ANXA8: variants seen among roughly 807,000 people sequenced by gnomAD.
ANXA8 encodes the protein VAC-beta.
A neutral mutation model predicts 26.8 loss-of-function variants in ANXA8; 9 were observed. The observed-to-expected ratio is 0.34, with a 90% confidence interval of 0.20 to 0.59. The LOEUF (loss-of-function observed/expected upper bound fraction) is 0.59, where lower values mean the gene tolerates loss of function less well. ANXA8 is among the 20% of genes least tolerant of loss of function. The pLI is 0.84. For missense variants in ANXA8, 83 were observed against 238.5 expected, an observed-to-expected ratio of 0.35 and a Z score of 4.29; for synonymous variants, 39 against 94.8, an observed-to-expected ratio of 0.41 and a Z score of 3.42.
the ANXA8 span, among the ~76,000 whole-genome samples, chr10:47,514,363 G>A: frequency 1.2e-4 from 18 of 148,376 alleles, no homozygotes; most frequent in South Asian, 1.7e-3. Context: ...AAATAACTCA[G>A]CATGGAAAAC....
the ANXA8 span, among the ~76,000 whole-genome samples, chr10:47,660,413 T>G: frequency 5.9e-5 from 9 of 151,678 alleles, no homozygotes; most frequent in Non-Finnish European, 8.8e-5. Context: ...CTTTTTTTTT[T>G]TTAAATTGAG....
upstream of ANXA8, among the ~76,000 whole-genome samples, chr10:47,488,828 C>T (rs1272076472): frequency 4.9e-4 from 69 of 140,044 alleles, no homozygotes; most frequent in Middle Eastern, 3.9e-3. Context: ...TCCAGGTTCA[C>T]GCCATTCTCC....
the ANXA8 span, among the ~76,000 whole-genome samples, chr10:47,585,783 T>TTA: frequency 2.1e-5 from 1 of 47,128 alleles, no homozygotes; most frequent in African/African-American, 1.1e-4. Flanking sequence ...AATTTTTTTG[T>TTA]AAAAAAAAAA....
the ANXA8 span, among the ~76,000 whole-genome samples, chr10:47,720,906 G>A: frequency 7.1e-6 from 1 of 140,224 alleles, no homozygotes; most frequent in Non-Finnish European, 1.6e-5. Flanking sequence ...CAGCACTTTG[G>A]GAGGCCGTGG....
At chr10:47,490,656 T>C in the ANXA8 span, among the ~76,000 whole-genome samples, 1 of 141,926 alleles carries the variant, frequency 7.0e-6, no homozygotes, top group East Asian at 2.1e-4. Flanking sequence ...TGAGCTTTTC[T>C]CCCAACAGGA....
the ANXA8 span, among the ~76,000 whole-genome samples, chr10:47,946,093 T>C: frequency 6.7e-6 from 1 of 148,592 alleles, no homozygotes; most frequent in Non-Finnish European, 1.5e-5. Flanking sequence ...TTTGAGTTTG[T>C]AGAATGCCTA....
chr10:47,656,443 G>A, the ANXA8 span, among the ~76,000 whole-genome samples: 1 of 146,832 alleles, frequency 6.8e-6, no homozygotes, highest in East Asian at 2.0e-4. Flanking sequence ...TTTGGTGATG[G>A]AATTCTCTAT....
chr10:47,941,999 A>G, the ANXA8 span, among the ~76,000 whole-genome samples: 2 of 147,868 alleles, frequency 1.4e-5, no homozygotes, highest in Non-Finnish European at 1.5e-5. Context: ...ACTTTTTAAC[A>G]GCACTGAGAA....
At chr10:47,733,199 T>TCTCTCTCTC in the ANXA8 span, among the ~76,000 whole-genome samples, 1 of 112,548 alleles carries the variant, frequency 8.9e-6, no homozygotes, top group Admixed American at 8.9e-5. Context: ...CTTTCTTTCT[T>TCTCTCTCTC]TCTTTCTTTC....
the ANXA8 span, among the ~76,000 whole-genome samples, chr10:47,649,991 T>C: frequency 2.7e-5 from 4 of 150,650 alleles, no homozygotes; most frequent in Non-Finnish European, 5.9e-5. Flanking sequence ...ATGGATCACT[T>C]GAGGTCAGGA....
the ANXA8 span, among the ~76,000 whole-genome samples, chr10:47,576,655 C>T: frequency 8.6e-5 from 13 of 150,816 alleles, no homozygotes; most frequent in African/African-American, 2.7e-4. Context: ...GGCACCAGGA[C>T]TATAGCACAT....
the ANXA8 span, among the ~76,000 whole-genome samples, chr10:47,673,376 G>A: frequency 6.6e-6 from 1 of 151,540 alleles, no homozygotes; most frequent in East Asian, 1.9e-4. Flanking sequence ...CAGGGGAAGA[G>A]CTAGAAATAA....
chr10:47,776,224 C>T, the ANXA8 span, among the ~76,000 whole-genome samples: 5 of 149,664 alleles, frequency 3.3e-5, no homozygotes, highest in African/African-American at 1.2e-4. Flanking sequence ...TATAACAAAC[C>T]CATTTTTTCC....
At chr10:47,982,190 C>T in the ANXA8 span, among the ~76,000 whole-genome samples, 7 of 150,274 alleles carry the variant, frequency 4.7e-5, no homozygotes, top group African/African-American at 1.5e-4. Flanking sequence ...CTTGGGAGGC[C>T]GAGGTGGGAG....
the ANXA8 span, among the ~76,000 whole-genome samples, chr10:47,693,662 C>T: frequency 6.6e-6 from 1 of 151,770 alleles, no homozygotes; most frequent in Admixed American, 6.6e-5. Flanking sequence ...ATCCCACTGG[C>T]AATATTAGCT....
the ANXA8 span, among the ~76,000 whole-genome samples, chr10:47,967,984 CTA>C: frequency 6.6e-6 from 1 of 150,524 alleles, no homozygotes; most frequent in Admixed American, 6.7e-5. Context: ...AAAAAAAAAC[CTA>C]TATTAAAACC....
At chr10:47,748,755 T>G in the ANXA8 span, among the ~76,000 whole-genome samples, 3 of 150,924 alleles carry the variant, frequency 2.0e-5, no homozygotes, top group Non-Finnish European at 4.4e-5. Context: ...CGTGAGCCAG[T>G]GCATGTTACT....
At chr10:47,715,983 A>C in the ANXA8 span, 1 of 1,239,324 alleles carries the variant, frequency 8.1e-7, no homozygotes, top group Non-Finnish European at 1.1e-6. Flanking sequence ...TCTCAGGTTT[A>C]AGTGATTCTC....
chr10:47,628,070 A>G, the ANXA8 span, among the ~76,000 whole-genome samples: 23 of 151,018 alleles, frequency 1.5e-4, no homozygotes, highest in East Asian at 4.3e-3. Context: ...ATGCATTTGT[A>G]TTCTTATTGA....
Sources: allele counts gnomAD v4.1 joint callset (sites outside exome capture counted in the v4.1 genomes callset), GRCh38; gene constraint gnomAD v4.1.1; transcripts MANE v1.5; gene names NCBI Gene and HGNC (gene_info 2026-07-23, HGNC 2026-07-21).